The following MTHFD2L variants were observed in gnomAD, a reference collection of about 807,000 sequenced individuals.
MTHFD2L encodes the protein methylenetetrahydrofolate dehydrogenase (NADP+ dependent) 2 like, also known as bifunctional methylenetetrahydrofolate dehydrogenase/cyclohydrolase 2, mitochondrial.
In MTHFD2L, 29 loss-of-function variants were observed where a neutral mutation model predicts 34.9. That is an observed-to-expected ratio of 0.83 (90% confidence interval 0.62 to 1.13). The LOEUF (loss-of-function observed/expected upper bound fraction) is 1.13, where lower values mean the gene tolerates loss of function less well. Ranked by LOEUF, MTHFD2L falls within the 50% of genes most tolerant of loss-of-function variation. The pLI, the probability that MTHFD2L is intolerant of heterozygous loss-of-function variation, is 0.00. For synonymous variants in MTHFD2L, 167 were observed against 155.7 expected (o/e 1.07, Z -0.54); for missense variants, 481 against 446.5 (o/e 1.08, Z -0.70).
intron 1 of MTHFD2L, chr4:74,160,171 T>G (rs1725114511): frequency 9.5e-7 from 1 of 1,051,440 alleles, no homozygotes; most frequent in East Asian, 5.9e-5. Context: ...TGTCTAGTTC[T>G]TCATAGTTAA....
At chr4:74,275,624 A>G (rs1052971111) in intron 6 of MTHFD2L, among the ~76,000 whole-genome samples, 1 of 151,946 alleles carries the variant, frequency 6.6e-6, no homozygotes, top group Non-Finnish European at 1.5e-5. Flanking sequence ...TTGACTTTTT[A>G]GTAATTGCCT....
intron 5 of MTHFD2L, among the ~76,000 whole-genome samples, chr4:74,219,212 T>G (rs1478067170): frequency 6.6e-6 from 1 of 152,134 alleles, no homozygotes; most frequent in Non-Finnish European, 1.5e-5. Context: ...TCCCAGATAC[T>G]GACAGATACT....
chr4:74,241,071 G>C (rs1741632189), intron 6 of MTHFD2L, among the ~76,000 whole-genome samples: 1 of 152,070 alleles, frequency 6.6e-6, no homozygotes, highest in Admixed American at 6.6e-5. Flanking sequence ...CATATATGTA[G>C]TATAAAGAAG....
intron 5 of MTHFD2L, among the ~76,000 whole-genome samples, chr4:74,201,734 A>G (rs1466401483): frequency 6.6e-6 from 1 of 152,126 alleles, no homozygotes; most frequent in Non-Finnish European, 1.5e-5. Context: ...TTAGCACTTT[A>G]GAAATCAGCT....
intron 7 of MTHFD2L, among the ~76,000 whole-genome samples, chr4:74,286,815 C>A (rs1366066394): frequency 6.6e-6 from 1 of 152,164 alleles, no homozygotes; most frequent in Admixed American, 6.5e-5. Context: ...GCCATCTCTC[C>A]TCCCTGTATT....
chr4:74,215,578 C>T (rs777103174), intron 5 of MTHFD2L, among the ~76,000 whole-genome samples: 4 of 151,742 alleles, frequency 2.6e-5, no homozygotes, highest in Middle Eastern at 3.4e-3. Flanking sequence ...GTTGGAAATG[C>T]AGAAATCACC....
At position 74,201,273 on chromosome 4, in the gene MTHFD2L, A is replaced by G; in HGVS notation, c.615A>G (p.Thr205=). The G allele has an allele frequency of 1.9e-6, 3 of 1,613,574 alleles. No homozygotes were observed. Among genetic ancestry groups the G allele is most frequent in the Non-Finnish European group, 2.5e-6 (3 of 1,179,664 alleles). ...WEIIKRTGIQ[T]FGKNVVVAGR... is the part of the protein sequence containing the mutation. The stretch of plus-strand genomic sequence containing the variant: ...ACTCTGTATTTTAAGGAATTCAAAC[A>G]TTTGGAAAAAATGTGGTTGTGGCTG... The change falls in exon 5 of 8, where the codon ACA becomes ACG. Residue 205 remains threonine, a synonymous_variant. Transcript: ENST00000325278.
chr4:74,271,629 C>T (rs1223263682), intron 6 of MTHFD2L, among the ~76,000 whole-genome samples: 1 of 152,150 alleles, frequency 6.6e-6, no homozygotes, highest in Admixed American at 6.6e-5. Context: ...GTTCTTTTGG[C>T]TTAGGATTGT....
chr4:74,294,528 A>C (rs982274276), intron 7 of MTHFD2L, among the ~76,000 whole-genome samples: 1 of 151,986 alleles, frequency 6.6e-6, no homozygotes, highest in Non-Finnish European at 1.5e-5. Context: ...TTTTATTCTT[A>C]CTTAAGTTTT....
At chr4:74,148,964 T>C (rs568091603) in intron 1 of MTHFD2L, among the ~76,000 whole-genome samples, 2 of 151,916 alleles carry the variant, frequency 1.3e-5, no homozygotes, top group Admixed American at 1.3e-4. Context: ...TGGGAAACAA[T>C]AGCCAAATTT....
chr4:74,284,612 AT>A (rs1747918496), intron 7 of MTHFD2L, among the ~76,000 whole-genome samples: 1 of 151,654 alleles, frequency 6.6e-6, no homozygotes, highest in South Asian at 2.1e-4. Context: ...AGATGCAAAA[AT>A]TTTCTCCCAT....
intron 3 of MTHFD2L, chr4:74,194,009 C>G (rs1197423404): frequency 6.6e-6 from 1 of 152,132 alleles, no homozygotes; most frequent in Non-Finnish European, 1.5e-5. Context: ...CAGTATTTCA[C>G]TATTAAGTAG....
chr4:74,255,303 CTG>C (rs763222434), intron 6 of MTHFD2L, among the ~76,000 whole-genome samples: 17 of 151,618 alleles, frequency 1.1e-4, no homozygotes, highest in Non-Finnish European at 2.4e-4. Flanking sequence ...ACAGTTGTAA[CTG>C]TAAGATATTT....
chr4:74,220,954 A>G (rs1738070635), intron 5 of MTHFD2L, among the ~76,000 whole-genome samples: 2 of 150,730 alleles, frequency 1.3e-5, no homozygotes, highest in African/African-American at 4.8e-5. Context: ...TTTGTCCACA[A>G]TTTTTTTAAC....
At chr4:74,199,247 G>T (rs1733995986) in intron 3 of MTHFD2L, among the ~76,000 whole-genome samples, 1 of 151,842 alleles carries the variant, frequency 6.6e-6, no homozygotes, top group Non-Finnish European at 1.5e-5. Flanking sequence ...TTATTTCACT[G>T]TGACAATGCT....
At chr4:74,263,549 AATTAGCTGT>A (rs2110228573) in intron 6 of MTHFD2L, among the ~76,000 whole-genome samples, 1 of 151,838 alleles carries the variant, frequency 6.6e-6, no homozygotes, top group African/African-American at 2.4e-5. Context: ...TCACCTCCCT[AATTAGCTGT>A]ATTCTGAGGT....
chr4:74,117,697 A>T (rs1027690628), intron 2 of MTHFD2L, among the ~76,000 whole-genome samples: 2 of 152,348 alleles, frequency 1.3e-5, no homozygotes, highest in Middle Eastern at 6.8e-3. Flanking sequence ...AACTTCCCTC[A>T]TGAGAGCTGC....
At chr4:74,124,393 A>G (rs1417340742), upstream of MTHFD2L, among the ~76,000 whole-genome samples, 1 of 151,858 alleles carries the variant, frequency 6.6e-6, no homozygotes, top group Non-Finnish European at 1.5e-5. Flanking sequence ...ATAACATTAT[A>G]GCATCATGAA....
At chr4:74,265,597 A>C (rs1258970512) in intron 6 of MTHFD2L, among the ~76,000 whole-genome samples, 1 of 152,176 alleles carries the variant, frequency 6.6e-6, no homozygotes, top group East Asian at 1.9e-4. Flanking sequence ...TTACATGGAC[A>C]CTTGTCCAAG....
Sources: gnomAD v4.1 joint callset for allele counts (sites outside exome capture counted in the v4.1 genomes callset) on GRCh38, gnomAD v4.1.1 for gene constraint, MANE v1.5 for transcripts, NCBI Gene and HGNC (gene_info 2026-07-23, HGNC 2026-07-21) for gene names.